TLE2: variants seen among roughly 807,000 people sequenced by gnomAD.
TLE2 encodes TLE family member 2, transcriptional corepressor.
A neutral mutation model predicts 97.2 loss-of-function variants in TLE2; 74 were observed. The ratio of observed to expected loss-of-function variants is 0.76; its 90% CI spans 0.63 to 0.92. TLE2 has a LOEUF of 0.92. TLE2 is among the 40% of genes least tolerant of loss of function. The probability of loss-of-function intolerance (pLI) is 0.00; values close to 1 mark genes in which losing one functional copy is unlikely to be tolerated. For synonymous variants in TLE2, 499 were observed against 432.1 expected, an observed-to-expected ratio of 1.15 and a Z score of -1.92; for missense variants, 1,038 against 1,008.7, an observed-to-expected ratio of 1.03 and a Z score of -0.39.
upstream of TLE2, among the ~76,000 whole-genome samples, chr19:3,032,975 C>T (rs377684710): frequency 1.3e-5 from 2 of 151,336 alleles, no homozygotes; most frequent in African/African-American, 4.8e-5. The surrounding 1 kb of genome is among the most constrained non-coding windows in gnomAD (Gnocchi z 4.1). Context: ...GCTCTGTCGT[C>T]CAGGCTGGAG....
At chr19:3,017,982 G>A in intron 7 of TLE2, 123 bp from the exon 8 acceptor site, 1 of 774,530 alleles carries the variant, frequency 1.3e-6, no homozygotes, top group Non-Finnish European at 2.1e-6. Context: ...CCCACTCAGA[G>A]TCTCTCTACC....
intron 13 of TLE2, 21 bp downstream of exon 13, chr19:3,009,521 C>T (rs761306497): frequency 7.0e-6 from 11 of 1,570,192 alleles, no homozygotes; most frequent in South Asian, 2.4e-5. Flanking sequence ...ACACCTCCTG[C>T]GCCCCCACCC....
At chr19:3,015,385 G>A (rs1342955710) in intron 9 of TLE2, among the ~76,000 whole-genome samples, 1 of 152,246 alleles carries the variant, frequency 6.6e-6, no homozygotes, top group Non-Finnish European at 1.5e-5. Flanking sequence ...AAACATGTGT[G>A]TTCTAGGGAA....
In TLE2 at chr19:3,017,615, C is replaced by T. The variant is rs56131688; in HGVS notation, c.570+225G>A. Among the ~76,000 whole-genome samples the T allele has an allele frequency of 0.33, 49,317 of 151,534 alleles. 9,199 individuals carry two copies. Among genetic ancestry groups the T allele is most frequent in the African/African-American group, 0.5 (20,709 of 41,256 alleles). On this transcript the variant is annotated intron_variant, in intron 8 of 19. Transcript: ENST00000262953. ...ACAGGCATGGACCACCACACCCAGC[C>T]AACTTTTTGTATTTTTCTGTAGAGA...
chr19:3,017,207 G>T (rs959879118), intron 8 of TLE2, among the ~76,000 whole-genome samples: 9 of 150,124 alleles, frequency 6.0e-5, no homozygotes, highest in Non-Finnish European at 1.2e-4. Flanking sequence ...GTGCAATCTC[G>T]GCTCACTGCA....
At chr19:3,001,173 T>C (rs2089349491) in intron 18 of TLE2, among the ~76,000 whole-genome samples, 1 of 151,746 alleles carries the variant, frequency 6.6e-6, no homozygotes, top group Non-Finnish European at 1.5e-5. Flanking sequence ...CTTGGGAGGC[T>C]GAGGCTTGAG....
chr19:3,017,944 A>G, intron 7 of TLE2, 85 bp from the exon 8 acceptor site: 1 of 1,333,238 alleles, frequency 7.5e-7, no homozygotes, highest in South Asian at 1.3e-5. Flanking sequence ...ACAGCCCTCC[A>G]GTTTATAAAG....
In TLE2 at chr19:3,019,893, C is replaced by A. The variant is rs2074426151; in HGVS notation, c.295-120G>T. 7.6e-7 allele frequency: 1 copy of A among 1,314,324 alleles called. No homozygotes were observed. 81.4% of individuals were successfully genotyped at this position (1,314,324 alleles called of 1,614,324 possible). On this transcript the variant is annotated intron_variant, in intron 5 of 19. Transcript: ENST00000262953. The surrounding 1 kb of genome is among the most constrained non-coding windows in gnomAD (Gnocchi z 5.1). ...ATCTTTGCCCCGGTACTTCCCATTT[C>A]TCTTTTATCTTTTTCCCTCTCACTC...
intron 4 of TLE2, among the ~76,000 whole-genome samples, chr19:3,026,794 G>A (rs965618250): frequency 6.0e-5 from 9 of 150,690 alleles, no homozygotes; most frequent in Non-Finnish European, 1.2e-4. Flanking sequence ...AGAACCCTGA[G>A]GTTTATCTCT....
chr19:3,015,785 G>A (rs774907718), intron 8 of TLE2, 25 bp from the exon 9 acceptor site: 3 of 1,553,632 alleles, frequency 1.9e-6, no homozygotes, highest in Non-Finnish European at 2.6e-6. Flanking sequence ...AGGCCGGGGG[G>A]AGAAAGGGTC....
At chr19:3,003,793 C>G (rs2089417896) in intron 17 of TLE2, among the ~76,000 whole-genome samples, 1 of 151,976 alleles carries the variant, frequency 6.6e-6, no homozygotes, top group African/African-American at 2.4e-5. Context: ...CAGCCTCAAC[C>G]TCCTCCCATG....
At chr19:3,034,104 C>T (rs1568253876), upstream of TLE2, among the ~76,000 whole-genome samples, 1 of 151,932 alleles carries the variant, frequency 6.6e-6, no homozygotes, top group Non-Finnish European at 1.5e-5. Flanking sequence ...AGACTCTTAC[C>T]CCCTGCTCCT....
At chr19:3,029,994 G>A (rs140537535), upstream of TLE2, among the ~76,000 whole-genome samples, 1 of 151,918 alleles carries the variant, frequency 6.6e-6, no homozygotes, top group Non-Finnish European at 1.5e-5. Context: ...ATGGAGTAGG[G>A]GGGCGTCTCA....
rs1310006048 is a variant in TLE2, at chr19:3,019,525, C to T, written c.370-62G>A. The T allele has an allele frequency of 2.0e-6, 3 of 1,481,036 alleles. No homozygotes were observed. Among genetic ancestry groups the T allele is most frequent in the South Asian group, 1.4e-5 (1 of 73,794 alleles). The allele number at this position is 1,481,036 out of a possible 1,614,324, so 91.7% of individuals were successfully genotyped here. On this transcript the variant is annotated intron_variant, in intron 6 of 19. Coordinates refer to ENST00000262953, the MANE Select transcript of TLE2 (RefSeq NM_003260.5). The surrounding 1 kb of genome is among the most constrained non-coding windows in gnomAD (Gnocchi z 5.1). ...GCGGCAGGAGCCCAGCGGTCCCCAG[C>T]CCAAGAGGTAGACACAGGGGATGGG...
At chr19:3,028,158 G>A (rs544478241) in intron 3 of TLE2, among the ~76,000 whole-genome samples, 161 bp downstream of exon 3, 3 of 152,162 alleles carry the variant, frequency 2.0e-5, no homozygotes, top group Admixed American at 2.0e-4. Flanking sequence ...CCCATTCCCA[G>A]AGCTGGGAGG....
chr19:3,010,086 G>A (rs1004026500), intron 12 of TLE2, among the ~76,000 whole-genome samples: 3 of 151,814 alleles, frequency 2.0e-5, no homozygotes, highest in Non-Finnish European at 2.9e-5. Flanking sequence ...CAGGCCCACC[G>A]AGCACAGTGG....
intron 1 of TLE2, among the ~76,000 whole-genome samples, chr19:3,043,456 C>G (rs1023367951): frequency 6.9e-6 from 1 of 144,456 alleles, no homozygotes; most frequent in Non-Finnish European, 1.5e-5. Context: ...GGATTACAGG[C>G]GTGAGCCACC....
chr19:3,023,705 C>A (rs2089890164), intron 5 of TLE2, among the ~76,000 whole-genome samples: 1 of 151,846 alleles, frequency 6.6e-6, no homozygotes, highest in South Asian at 2.1e-4. Context: ...CCAGCCCGGG[C>A]AACATAGGGA....
intron 1 of TLE2, among the ~76,000 whole-genome samples, chr19:3,038,135 T>C (rs1475864867): frequency 3.3e-5 from 5 of 151,820 alleles, no homozygotes; most frequent in Admixed American, 3.3e-4. Context: ...AAAATAATAA[T>C]AACAATAACA....
Sources: allele counts gnomAD v4.1 joint callset (sites outside exome capture counted in the v4.1 genomes callset), GRCh38; gene constraint gnomAD v4.1.1; non-coding constraint Gnocchi (gnomAD v3.1); transcripts MANE v1.5; gene names NCBI Gene and HGNC (gene_info 2026-07-23, HGNC 2026-07-21).